MNAT1: variants seen among roughly 807,000 people sequenced by gnomAD.
MNAT1 encodes the protein CDK-activating kinase assembly factor MAT1.
In MNAT1, 43 loss-of-function variants were observed where a neutral mutation model predicts 42.0. The observed-to-expected ratio is 1.02, with a 90% CI of 0.80 to 1.32. MNAT1 has a LOEUF of 1.32. Among genes scored for constraint, MNAT1 ranks in the 40% most tolerant of loss-of-function variants. The pLI is 0.00. For missense variants in MNAT1, 306 were observed against 350.4 expected, an observed-to-expected ratio of 0.87 and a Z score of 1.01; for synonymous variants, 118 against 120.0, an observed-to-expected ratio of 0.98 and a Z score of 0.11.
At chr14:60,905,893 A>G (rs374053323) in intron 7 of MNAT1, among the ~76,000 whole-genome samples, 1 of 152,204 alleles carries the variant, frequency 6.6e-6, no homozygotes, top group South Asian at 2.1e-4. Flanking sequence ...AGACGCACCC[A>G]GAAATAATGT....
intron 7 of MNAT1, among the ~76,000 whole-genome samples, chr14:60,957,574 A>T (rs542539408): frequency 6.6e-6 from 1 of 152,320 alleles, no homozygotes; most frequent in African/African-American, 2.4e-5. Flanking sequence ...GAATTATGGG[A>T]GCTACAATTC....
chr14:60,903,193 A>G (rs2035109181), intron 7 of MNAT1, among the ~76,000 whole-genome samples: 1 of 152,062 alleles, frequency 6.6e-6, no homozygotes, highest in African/African-American at 2.4e-5. Context: ...TGCATCATGA[A>G]TATATATTAA....
chr14:60,814,010 G>A (rs1485941388), intron 5 of MNAT1, among the ~76,000 whole-genome samples: 1 of 152,016 alleles, frequency 6.6e-6, no homozygotes, highest in Non-Finnish European at 1.5e-5. Context: ...TTATAACTGA[G>A]ATGAGCCAGT....
At chr14:60,813,549 C>A (rs1213229026) in intron 5 of MNAT1, among the ~76,000 whole-genome samples, 1 of 152,140 alleles carries the variant, frequency 6.6e-6, no homozygotes, top group Non-Finnish European at 1.5e-5. Flanking sequence ...TGGCACAGCA[C>A]TGATTCCACC....
chr14:60,886,657 G>C (rs1392459396), intron 7 of MNAT1, among the ~76,000 whole-genome samples: 1 of 150,042 alleles, frequency 6.7e-6, no homozygotes, highest in African/African-American at 2.5e-5. Flanking sequence ...GTAATGTTTT[G>C]ATTTTTTTTT....
At chr14:60,798,941 A>G (rs2032111605) in intron 3 of MNAT1, among the ~76,000 whole-genome samples, 1 of 152,154 alleles carries the variant, frequency 6.6e-6, no homozygotes, top group African/African-American at 2.4e-5. Flanking sequence ...AACTGTACTC[A>G]ATATTTACTA....
intron 1 of MNAT1, among the ~76,000 whole-genome samples, chr14:60,762,705 CA>C (rs33957783): frequency 0.015 from 1,384 of 94,734 alleles, 23 homozygotes; most frequent in African/African-American, 0.055. Flanking sequence ...GACTCTGTCT[CA>C]AAAAAAAAAA....
intron 1 of MNAT1, among the ~76,000 whole-genome samples, chr14:60,783,067 A>C (rs537527686): frequency 1.3e-5 from 2 of 152,370 alleles, no homozygotes. Flanking sequence ...GTAGGTGATG[A>C]TAATGAATTT....
At chr14:60,744,120 T>C (rs1896548325) in intron 1 of MNAT1, among the ~76,000 whole-genome samples, 1 of 152,176 alleles carries the variant, frequency 6.6e-6, no homozygotes, top group South Asian at 2.1e-4. Context: ...CTTGGCTATC[T>C]CAGGGTTGGT....
At position 60,941,001 on chromosome 14, in the gene MNAT1, A is replaced by G. The variant is rs548832518; in HGVS notation, c.810-27228A>G. On this transcript the variant is annotated intron_variant, in intron 7 of 7. Coordinates refer to ENST00000261245, the MANE Select transcript of MNAT1 (RefSeq NM_002431.4). ...TATGACGTTCCCACCTAGTGTTAAT[A>G]TTTGAATTATTCTTTAAAAGTTTTT... Among the ~76,000 whole-genome samples the G allele has an allele frequency of 9.2e-5, 14 of 152,322 alleles. No individual in the cohort carries two copies. The East Asian group carries it at 2.3e-3, about 25-fold the overall frequency.
rs1312648756 is a variant in MNAT1 at position 60,855,641 on chromosome 14, C to T, written c.688-24073C>T. On this transcript the variant is annotated intron_variant, in intron 6 of 7. Transcript: ENST00000261245. The stretch of plus-strand genomic sequence containing the variant: ...ACCCTCCATGGGTTGGACCCACTGC[C>T]TAACCAGTCCCAGTGAGATGAACTG... Among the ~76,000 whole-genome samples, 4 of 152,278 alleles carry T rather than the reference C, an allele frequency of 2.6e-5. No individual in the cohort carries two copies. The East Asian group carries it at 7.7e-4, about 29-fold the overall frequency.
chr14:60,950,270 A>G (rs943814671), intron 7 of MNAT1, among the ~76,000 whole-genome samples: 3 of 152,170 alleles, frequency 2.0e-5, no homozygotes, highest in Non-Finnish European at 4.4e-5. Flanking sequence ...TGTAGTATAT[A>G]TATTTGAGTA....
chr14:60,955,276 G>A (rs1169134755), intron 7 of MNAT1, among the ~76,000 whole-genome samples: 1 of 152,060 alleles, frequency 6.6e-6, no homozygotes, highest in Non-Finnish European at 1.5e-5. Context: ...ATTTGAAGAA[G>A]GATTGGTATT....
At chr14:60,781,973 GAT>G (rs2031479123) in intron 1 of MNAT1, among the ~76,000 whole-genome samples, 37 of 137,776 alleles carry the variant, frequency 2.7e-4, no homozygotes, top group Admixed American at 9.5e-4. Context: ...GTGTGTGTGT[GAT>G]TTTTTTTTTT....
chr14:60,769,735 A>G (rs1239873622), intron 1 of MNAT1, among the ~76,000 whole-genome samples: 2 of 152,174 alleles, frequency 1.3e-5, no homozygotes, highest in Non-Finnish European at 1.5e-5. Context: ...GCTCACTGCA[A>G]CCTTGAATTC....
At chr14:60,902,276 A>G (rs1391625785) in intron 7 of MNAT1, among the ~76,000 whole-genome samples, 1 of 152,170 alleles carries the variant, frequency 6.6e-6, no homozygotes, top group Non-Finnish European at 1.5e-5. Context: ...CATTTTTTAT[A>G]TATAATATAA....
chr14:60,910,961 T>C (rs1361171271), intron 7 of MNAT1, among the ~76,000 whole-genome samples: 3 of 152,170 alleles, frequency 2.0e-5, no homozygotes, highest in African/African-American at 7.2e-5. Context: ...TCCTGGACTT[T>C]TTTTGATTGG....
chr14:60,772,062 C>T (rs776470895), intron 1 of MNAT1, among the ~76,000 whole-genome samples: 3 of 152,202 alleles, frequency 2.0e-5, no homozygotes, highest in East Asian at 3.9e-4. Flanking sequence ...AATTAAAGAG[C>T]GCATTTTTAA....
chr14:60,901,130 T>C (rs546308777), intron 7 of MNAT1, among the ~76,000 whole-genome samples: 67 of 150,968 alleles, frequency 4.4e-4, no homozygotes, highest in African/African-American at 1.6e-3. Context: ...TTGAAGCCGA[T>C]ATTTATTTGC....
Sources: gnomAD v4.1 joint callset for allele counts (sites outside exome capture counted in the v4.1 genomes callset) on GRCh38, gnomAD v4.1.1 for gene constraint, MANE v1.5 for transcripts, NCBI Gene and HGNC (gene_info 2026-07-23, HGNC 2026-07-21) for gene names.